ARHGAP15: variants seen among roughly 807,000 people sequenced by gnomAD.
The protein encoded by ARHGAP15 is Rho GTPase activating protein 15.
ARHGAP15 carries 51 observed loss-of-function variants against 63.7 expected under a neutral mutation model. The observed-to-expected ratio is 0.80, with a 90% CI of 0.64 to 1.01. The LOEUF (loss-of-function observed/expected upper bound fraction) is 1.01, where lower values mean the gene tolerates loss of function less well. Ranked by LOEUF, ARHGAP15 falls within the 50% of genes least tolerant of loss-of-function variation. The pLI is 0.00. For synonymous variants in ARHGAP15, 191 were observed against 193.8 expected, an observed-to-expected ratio of 0.99 and a Z score of 0.12; for missense variants, 560 against 564.6, an observed-to-expected ratio of 0.99 and a Z score of 0.08.
chr2:143,450,520 C>T (rs1270292867), intron 8 of ARHGAP15, among the ~76,000 whole-genome samples: 1 of 151,914 alleles, frequency 6.6e-6, no homozygotes, highest in Non-Finnish European at 1.5e-5. Context: ...AAAAAATTCT[C>T]TGACTCAAAA....
At chr2:143,387,831 ACG>A in intron 6 of ARHGAP15, among the ~76,000 whole-genome samples, 1 of 149,496 alleles carries the variant, frequency 6.7e-6, no homozygotes, top group Non-Finnish European at 1.5e-5. Context: ...ATACACACAC[ACG>A]CATGCAAGCA....
intron 13 of ARHGAP15, among the ~76,000 whole-genome samples, chr2:143,724,568 TAG>T (rs1260068187): frequency 1.3e-5 from 2 of 152,080 alleles, no homozygotes; most frequent in Non-Finnish European, 2.9e-5. Context: ...ATTGAACTGG[TAG>T]AGAGTCAAGC....
At chr2:143,383,184 A>C (rs1687129757) in intron 6 of ARHGAP15, among the ~76,000 whole-genome samples, 2 of 152,224 alleles carry the variant, frequency 1.3e-5, no homozygotes, top group Non-Finnish European at 2.9e-5. Flanking sequence ...AAAAAAACAC[A>C]TTAGAAATGA....
At chr2:143,267,014 A>T (rs548169711) in intron 6 of ARHGAP15, among the ~76,000 whole-genome samples, 6 of 152,282 alleles carry the variant, frequency 3.9e-5, no homozygotes, top group African/African-American at 1.2e-4. Flanking sequence ...TTGCCTTTAA[A>T]GCTCTTACCT....
chr2:143,653,078 T>TA (rs1429127137), intron 12 of ARHGAP15, among the ~76,000 whole-genome samples: 4 of 152,088 alleles, frequency 2.6e-5, no homozygotes, highest in African/African-American at 9.6e-5. Flanking sequence ...TAAGAGTTTT[T>TA]AATCACAAAT....
At chr2:143,349,997 C>A (rs1685483538) in intron 6 of ARHGAP15, among the ~76,000 whole-genome samples, 1 of 152,042 alleles carries the variant, frequency 6.6e-6, no homozygotes, top group Non-Finnish European at 1.5e-5. Flanking sequence ...GCCTTTTTGA[C>A]AACACATTAA....
chr2:143,645,684 G>T (rs987596735), intron 12 of ARHGAP15, among the ~76,000 whole-genome samples: 2 of 151,920 alleles, frequency 1.3e-5, no homozygotes, highest in Admixed American at 6.6e-5. Context: ...GGGAACATAA[G>T]ATCAAATAAC....
At chr2:143,545,322 A>G (rs1332109323) in intron 10 of ARHGAP15, among the ~76,000 whole-genome samples, 1 of 152,192 alleles carries the variant, frequency 6.6e-6, no homozygotes, top group African/African-American at 2.4e-5. Flanking sequence ...ACACAGAGAC[A>G]CTGAGAAATG....
chr2:143,353,043 C>T (rs1685640944), intron 6 of ARHGAP15, among the ~76,000 whole-genome samples: 1 of 151,948 alleles, frequency 6.6e-6, no homozygotes, highest in African/African-American at 2.4e-5. Flanking sequence ...TAGAATAACA[C>T]TTTATAAACA....
intron 8 of ARHGAP15, among the ~76,000 whole-genome samples, chr2:143,470,629 A>G (rs556926468): frequency 2.8e-5 from 4 of 140,504 alleles, no homozygotes; most frequent in East Asian, 2.5e-4. Flanking sequence ...ATATATACAT[A>G]TGTGTGTATA....
chr2:143,727,128 G>A (rs1450839054), intron 13 of ARHGAP15, among the ~76,000 whole-genome samples: 1 of 152,186 alleles, frequency 6.6e-6, no homozygotes, highest in African/African-American at 2.4e-5. Context: ...ATGCAAAAGA[G>A]CCAGCCCTTA....
intron 12 of ARHGAP15, among the ~76,000 whole-genome samples, chr2:143,670,141 C>A (rs1980207): frequency 1.3e-5 from 2 of 151,966 alleles, no homozygotes; most frequent in African/African-American, 4.8e-5. Context: ...GAATCAGACC[C>A]CATACAGAAA....
intron 6 of ARHGAP15, among the ~76,000 whole-genome samples, chr2:143,365,888 A>G (rs1686273505): frequency 6.6e-6 from 1 of 152,228 alleles, no homozygotes; most frequent in Non-Finnish European, 1.5e-5. Context: ...TAAGAACTTA[A>G]TAGAGATTAG....
intron 6 of ARHGAP15, among the ~76,000 whole-genome samples, chr2:143,424,218 G>T (rs1280562691): frequency 6.6e-6 from 1 of 152,046 alleles, no homozygotes; most frequent in Non-Finnish European, 1.5e-5. Context: ...GATCTCCAAG[G>T]ACAAAGTTGA....
chr2:143,410,923 G>C (rs1443049633), intron 6 of ARHGAP15, among the ~76,000 whole-genome samples: 1 of 152,060 alleles, frequency 6.6e-6, no homozygotes, highest in Non-Finnish European at 1.5e-5. Context: ...ATCGTAGGAG[G>C]CCAGGCGTGA....
intron 10 of ARHGAP15, among the ~76,000 whole-genome samples, chr2:143,534,929 C>A (rs1192147053): frequency 1.3e-5 from 2 of 151,816 alleles, no homozygotes; most frequent in African/African-American, 4.8e-5. Flanking sequence ...AATTTAGGAA[C>A]CTCAGTTTAG....
intron 6 of ARHGAP15, among the ~76,000 whole-genome samples, chr2:143,311,799 A>C (rs551873492): frequency 2.4e-4 from 36 of 152,288 alleles, no homozygotes; most frequent in African/African-American, 7.9e-4. Context: ...GCCTGCAAAG[A>C]AAAGAGATAC....
intron 2 of ARHGAP15, chr2:143,172,076 G>A (rs942719816): frequency 1.1e-4 from 16 of 152,182 alleles, no homozygotes; most frequent in African/African-American, 3.9e-4. Context: ...ATTAAGGGAA[G>A]AAGGCATGTG....
chr2:143,463,836 C>G (rs1040684725), intron 8 of ARHGAP15, among the ~76,000 whole-genome samples: 7 of 152,130 alleles, frequency 4.6e-5, no homozygotes, highest in Non-Finnish European at 1.0e-4. Flanking sequence ...AATGACTAGG[C>G]TATATAGTTC....
Sources: gnomAD v4.1 joint callset for allele counts (sites outside exome capture counted in the v4.1 genomes callset) on GRCh38, gnomAD v4.1.1 for gene constraint, MANE v1.5 for transcripts, NCBI Gene and HGNC (gene_info 2026-07-23, HGNC 2026-07-21) for gene names.